The following GATAD2A variants were observed in gnomAD, a reference collection of about 807,000 sequenced individuals.
GATAD2A encodes transcriptional repressor p66-alpha.
Under a neutral mutation model 68.5 loss-of-function variants are expected in GATAD2A, and 12 were observed. The observed-to-expected ratio is 0.18, with a 90% CI of 0.11 to 0.28. The LOEUF is 0.28. Among genes scored for constraint, GATAD2A ranks in the 10% least tolerant of loss-of-function variants. GATAD2A has a pLI of 1.00. For missense variants in GATAD2A, 755 were observed against 868.5 expected (o/e 0.87, Z 1.64); for synonymous variants, 410 against 375.3 (o/e 1.09, Z -1.07).
At chr19:19,437,186 A>T (rs1293271519) in intron 1 of GATAD2A, among the ~76,000 whole-genome samples, 1 of 152,126 alleles carries the variant, frequency 6.6e-6, no homozygotes, top group Non-Finnish European at 1.5e-5. Flanking sequence ...CTGGAGTGTA[A>T]TGGCATGATC....
At chr19:19,497,750 C>T (rs1023905168) in intron 7 of GATAD2A, among the ~76,000 whole-genome samples, 1 of 152,130 alleles carries the variant, frequency 6.6e-6, no homozygotes, top group African/African-American at 2.4e-5. Flanking sequence ...GGGTCCTCAG[C>T]CCCTAAAAGC....
intron 1 of GATAD2A, among the ~76,000 whole-genome samples, chr19:19,426,932 G>A (rs2053164315): frequency 6.6e-6 from 1 of 152,214 alleles, no homozygotes; most frequent in South Asian, 2.1e-4. Context: ...GCTTTGTTTG[G>A]CACCATGGGT....
chr19:19,476,499 C>T (rs1317194293), intron 2 of GATAD2A, among the ~76,000 whole-genome samples: 1 of 152,214 alleles, frequency 6.6e-6, no homozygotes, highest in Non-Finnish European at 1.5e-5. Flanking sequence ...CCGCTGTGCC[C>T]ACTGAAACTG....
At chr19:19,504,902 C>T (rs1777681482) in intron 11 of GATAD2A, among the ~76,000 whole-genome samples, 2 of 152,154 alleles carry the variant, frequency 1.3e-5, no homozygotes, top group Admixed American at 6.6e-5. Context: ...CCCCCAGCCT[C>T]TCAAAGTGCT....
Position 19,507,701 on chromosome 19 carries a change from C to T in GATAD2A, c.*2227C>T, listed in dbSNP as rs2060925382. ...CCCTCGAAAGGGAGAGGGTCGGCCC[C>T]ATGTCCCCAGGGAGCATTCCATCAG... is the stretch of plus-strand genomic sequence containing the variant. On this transcript the variant is annotated 3_prime_UTR_variant, in exon 12 of 12. Transcript: ENST00000683918. The T allele has an allele frequency of 6.6e-6, 1 of 152,204 alleles. No homozygotes were observed. The highest frequency in any genetic ancestry group is 1.5e-5 in the Non-Finnish European group (1 of 68,040). The allele number at this position is 152,204 out of a possible 1,614,324, so 9.4% of individuals were successfully genotyped here.
At chr19:19,457,768 G>A (rs2057069728) in intron 1 of GATAD2A, among the ~76,000 whole-genome samples, 1 of 151,860 alleles carries the variant, frequency 6.6e-6, no homozygotes, top group South Asian at 2.1e-4. Context: ...TTAACAAAAG[G>A]CCCCTTGCAC....
At chr19:19,392,394 G>GTTT (rs575233493) in intron 1 of GATAD2A, among the ~76,000 whole-genome samples, 1 of 109,676 alleles carries the variant, frequency 9.1e-6, no homozygotes, top group Admixed American at 9.2e-5. Context: ...TTGTGTGTGT[G>GTTT]TTTTTTTTTT....
chr19:19,499,866 C>G (rs2060407330), intron 8 of GATAD2A, among the ~76,000 whole-genome samples: 1 of 152,230 alleles, frequency 6.6e-6, no homozygotes, highest in African/African-American at 2.4e-5. Context: ...CAGCTCCCAG[C>G]TGCAGGAGGG....
chr19:19,421,593 G>C (rs994515160), intron 1 of GATAD2A, among the ~76,000 whole-genome samples: 1 of 152,150 alleles, frequency 6.6e-6, no homozygotes, highest in African/African-American at 2.4e-5. Context: ...CCGGCCCTGT[G>C]TTTGTTTGCC....
At chr19:19,474,215 G>A in intron 2 of GATAD2A, 2 of 964,528 alleles carry the variant, frequency 2.1e-6, no homozygotes, top group Non-Finnish European at 2.5e-6. Context: ...GAAGGGAGAG[G>A]AGGGTGAGGT....
intron 2 of GATAD2A, among the ~76,000 whole-genome samples, chr19:19,466,489 G>A (rs541528757): frequency 2.0e-5 from 3 of 152,278 alleles, no homozygotes; most frequent in African/African-American, 4.8e-5. Context: ...GTCTCTCCAC[G>A]CCTGTTCATA....
At chr19:19,477,393 T>C (rs1044951982) in intron 2 of GATAD2A, among the ~76,000 whole-genome samples, 1 of 152,164 alleles carries the variant, frequency 6.6e-6, no homozygotes, top group African/African-American at 2.4e-5. Flanking sequence ...CTTGATGCCA[T>C]GCAGAATTCC....
At chr19:19,386,477 C>T (rs2048430061) in intron 1 of GATAD2A, among the ~76,000 whole-genome samples, 1 of 150,672 alleles carries the variant, frequency 6.6e-6, no homozygotes, top group Non-Finnish European at 1.5e-5. Context: ...TTCTAGCGAC[C>T]CCCACCTTTC....
intron 2 of GATAD2A, among the ~76,000 whole-genome samples, chr19:19,473,256 C>A (rs1238301325): frequency 1.3e-5 from 2 of 152,166 alleles, no homozygotes; most frequent in South Asian, 4.1e-4. Flanking sequence ...GCCCCATGGT[C>A]TGGACGGGGC....
intron 2 of GATAD2A, among the ~76,000 whole-genome samples, chr19:19,474,584 C>T (rs935946000): frequency 3.9e-5 from 6 of 152,204 alleles, no homozygotes; most frequent in African/African-American, 1.4e-4. Flanking sequence ...GGGCACTTCT[C>T]ACTTGTCAGT....
intron 2 of GATAD2A, among the ~76,000 whole-genome samples, chr19:19,469,805 G>C (rs1361992893): frequency 6.6e-6 from 1 of 152,108 alleles, no homozygotes; most frequent in Non-Finnish European, 1.5e-5. Flanking sequence ...AAATTAGCCA[G>C]GCGTGGTGGC....
At chr19:19,440,847 A>G (rs1029156590) in intron 1 of GATAD2A, among the ~76,000 whole-genome samples, 3 of 152,174 alleles carry the variant, frequency 2.0e-5, no homozygotes, top group African/African-American at 7.2e-5. Context: ...TTGACTGTAA[A>G]TGTTTTAGCG....
At chr19:19,429,251 G>C in intron 1 of GATAD2A, 6 of 984,844 alleles carry the variant, frequency 6.1e-6, no homozygotes, top group Non-Finnish European at 3.6e-6. Context: ...ATGGTGAGGG[G>C]CTGGGGGGGA....
chr19:19,456,274 A>T (rs2056919708), intron 1 of GATAD2A, among the ~76,000 whole-genome samples: 1 of 152,024 alleles, frequency 6.6e-6, no homozygotes, highest in Non-Finnish European at 1.5e-5. Flanking sequence ...AACTGCCCAC[A>T]CCTCAGACAT....
Sources: gnomAD v4.1 joint callset for allele counts (sites outside exome capture counted in the v4.1 genomes callset) on GRCh38, gnomAD v4.1.1 for gene constraint, MANE v1.5 for transcripts, NCBI Gene and HGNC (gene_info 2026-07-23, HGNC 2026-07-21) for gene names.